The following UVRAG variants were observed in gnomAD, a reference collection of about 807,000 sequenced individuals.
UVRAG encodes UV radiation resistance-associated gene protein.
In UVRAG, 19 loss-of-function variants were observed where a neutral mutation model predicts 78.0. The observed-to-expected ratio is 0.24, with a 90% CI of 0.17 to 0.36. UVRAG has a LOEUF of 0.36. UVRAG is among the 10% of genes least tolerant of loss of function. The pLI, the probability that UVRAG is intolerant of heterozygous loss-of-function variation, is 1.00. For synonymous variants in UVRAG, 323 were observed against 324.6 expected (o/e 1.00, Z 0.05); for missense variants, 740 against 853.8 (o/e 0.87, Z 1.66).
intron 13 of UVRAG, among the ~76,000 whole-genome samples, chr11:76,086,403 C>T (rs898121827): frequency 1.8e-4 from 28 of 152,096 alleles, no homozygotes; most frequent in Admixed American, 1.7e-3. Context: ...AACTATTCTT[C>T]GTATGTTTAA....
At chr11:76,017,033 A>G (rs2135369650) in intron 12 of UVRAG, 53 bp downstream of exon 12, 4 of 1,366,000 alleles carry the variant, frequency 2.9e-6, no homozygotes, top group Non-Finnish European at 4.0e-6. Context: ...AGTATAAAAC[A>G]TGGGGTATAA....
intron 11 of UVRAG, among the ~76,000 whole-genome samples, chr11:76,012,392 G>A (rs901583786): frequency 6.6e-6 from 1 of 151,938 alleles, no homozygotes; most frequent in Admixed American, 6.6e-5. Context: ...ATATTAAACA[G>A]TGATAAACCT....
At position 76,007,684 on chromosome 11, in the gene UVRAG, C is replaced by T; in HGVS notation, c.999+63C>T. The T allele has an allele frequency of 2.3e-6, 3 of 1,314,572 alleles. No individual in the cohort carries two copies. In the South Asian group the frequency reaches 3.6e-5, roughly 16 times the overall value. The allele number at this position is 1,314,572 out of a possible 1,614,324, so 81.4% of individuals were successfully genotyped here. ...AAAAGATGATTTCTGTATGACATTT[C>T]CTCTCAATGAAAAAACTCATTGCTT... On this transcript the variant is annotated intron_variant, in intron 10 of 14. Coordinates refer to ENST00000356136, the MANE Select transcript of UVRAG (RefSeq NM_003369.4).
intron 14 of UVRAG, among the ~76,000 whole-genome samples, chr11:76,130,199 A>T (rs1468004444): frequency 3.3e-5 from 5 of 152,126 alleles, no homozygotes; most frequent in Admixed American, 3.3e-4. Context: ...TAGCCCTTCT[A>T]ATCTTGTCCT....
intron 1 of UVRAG, among the ~76,000 whole-genome samples, chr11:75,850,257 T>G (rs1031489222): frequency 6.6e-6 from 1 of 152,166 alleles, no homozygotes; most frequent in Non-Finnish European, 1.5e-5. Context: ...TTGCCTTAGG[T>G]CCCTGGAGAC....
At chr11:75,964,640 C>T (rs567871520) in intron 7 of UVRAG, among the ~76,000 whole-genome samples, 29 of 152,252 alleles carry the variant, frequency 1.9e-4, no homozygotes, top group African/African-American at 7.0e-4. Flanking sequence ...TGGTGGCCCA[C>T]GCCTGTAATC....
chr11:76,007,548 A>G lies in UVRAG; in HGVS notation c.926A>G (p.Lys309Arg), dbSNP rs1011687153. Reference sequence around the variant, plus strand: ...TTCCTCATTAGAGAACTCTTCTTGAAGACTAATGCTCAGTTGACAATTCGT... The same window carrying G: ...TTCCTCATTAGAGAACTCTTCTTGAGGACTAATGCTCAGTTGACAATTCGT... The part of the protein sequence containing the change: ...ECTAKRELFL[K>R]TNAQLTIRCR... Residue 309 changes from lysine to arginine, a missense_variant, in exon 10 of 15, where the codon AAG (lysine) becomes AGG (arginine). Transcript: ENST00000356136. The G allele has an allele frequency of 6.2e-7, 1 of 1,613,222 alleles. No homozygotes were observed. The highest frequency in any genetic ancestry group is 8.5e-7 in the Non-Finnish European group (1 of 1,179,574).
intron 12 of UVRAG, among the ~76,000 whole-genome samples, chr11:76,055,883 G>A (rs1203275615): frequency 6.6e-6 from 1 of 152,072 alleles, no homozygotes; most frequent in Non-Finnish European, 1.5e-5. Context: ...CTAATTTTTT[G>A]TATTTTTAGT....
At chr11:75,931,909 G>A (rs1202555747) in intron 6 of UVRAG, among the ~76,000 whole-genome samples, 1 of 152,132 alleles carries the variant, frequency 6.6e-6, no homozygotes, top group Non-Finnish European at 1.5e-5. Flanking sequence ...GGTGACTTTA[G>A]GAGTTGAGCC....
intron 12 of UVRAG, among the ~76,000 whole-genome samples, chr11:76,061,850 A>T (rs548449151): frequency 1.3e-5 from 2 of 152,232 alleles, no homozygotes; most frequent in Non-Finnish European, 2.9e-5. Flanking sequence ...GTTTAGTTTC[A>T]CATATTGAGA....
chr11:75,977,890 G>A (rs1041011858), intron 7 of UVRAG, among the ~76,000 whole-genome samples: 4 of 152,104 alleles, frequency 2.6e-5, no homozygotes, highest in African/African-American at 4.8e-5. Flanking sequence ...ATATTGTTAC[G>A]TGTGAATTTG....
At chr11:75,888,749 G>A in intron 4 of UVRAG, 80 bp from the exon 5 acceptor site, 2 of 1,237,922 alleles carry the variant, frequency 1.6e-6, no homozygotes, top group Non-Finnish European at 2.3e-6. Context: ...AGTAGATCCT[G>A]TTGTAACTGT....
At chr11:75,907,795 C>G (rs947778293) in intron 5 of UVRAG, among the ~76,000 whole-genome samples, 10 of 152,034 alleles carry the variant, frequency 6.6e-5, no homozygotes, top group Non-Finnish European at 1.2e-4. Context: ...TCCCAAAGTG[C>G]TGGTATTACA....
chr11:75,941,051 A>C (rs1024155045), intron 6 of UVRAG, among the ~76,000 whole-genome samples: 2 of 152,124 alleles, frequency 1.3e-5, no homozygotes, highest in Non-Finnish European at 2.9e-5. Flanking sequence ...AAAATGAGGC[A>C]GTTTTGCCAA....
rs537227874 is a variant in UVRAG at position 75,928,623 on chromosome 11, G to A, written c.593+16584G>A. Among the ~76,000 whole-genome samples the A allele has an allele frequency of 3.6e-4, 55 of 151,692 alleles. 1 individual carries two copies. Among genetic ancestry groups the A allele is most frequent in the Non-Finnish European group, 6.9e-4 (47 of 67,842 alleles). ...CAGAAAAAAAAAAAGGTTGCTGATT[G>A]GTTGAGTAATGTGAGGGTTAAGAAT... On this transcript the variant is annotated intron_variant, in intron 6 of 14. Coordinates refer to ENST00000356136, the MANE Select transcript of UVRAG (RefSeq NM_003369.4).
intron 13 of UVRAG, among the ~76,000 whole-genome samples, chr11:76,072,298 A>G (rs373431664): frequency 1.4e-4 from 22 of 152,322 alleles, no homozygotes; most frequent in South Asian, 1.0e-3. Flanking sequence ...AGTCATCAGT[A>G]TGTCCAGTTA....
intron 14 of UVRAG, among the ~76,000 whole-genome samples, chr11:76,129,585 T>C (rs1952476264): frequency 6.6e-6 from 1 of 152,232 alleles, no homozygotes; most frequent in African/African-American, 2.4e-5. Context: ...CTCTTTGCTT[T>C]CTGCGAATGA....
At chr11:75,886,184 C>CT (rs1012138833) in intron 4 of UVRAG, among the ~76,000 whole-genome samples, 1 of 152,088 alleles carries the variant, frequency 6.6e-6, no homozygotes, top group African/African-American at 2.4e-5. Context: ...AGTACTAGTA[C>CT]TATATTGTTT....
intron 1 of UVRAG, among the ~76,000 whole-genome samples, chr11:75,849,129 C>T (rs1355119865): frequency 6.6e-6 from 1 of 151,740 alleles, no homozygotes; most frequent in African/African-American, 2.4e-5. Context: ...AGTGAGCCGA[C>T]ATGGCGCCAT....
Sources: gnomAD v4.1 joint callset for allele counts (sites outside exome capture counted in the v4.1 genomes callset) on GRCh38, gnomAD v4.1.1 for gene constraint, MANE v1.5 for transcripts, NCBI Gene and HGNC (gene_info 2026-07-23, HGNC 2026-07-21) for gene names.